XRCC1: variants seen among roughly 807,000 people sequenced by gnomAD.
XRCC1 encodes the protein DNA repair protein XRCC1.
XRCC1 carries 52 observed loss-of-function variants against 83.3 expected under a neutral mutation model. The observed-to-expected ratio is 0.62, with a 90% CI of 0.50 to 0.79. XRCC1 has a LOEUF of 0.79. Among genes scored for constraint, XRCC1 ranks in the 30% least tolerant of loss-of-function variants. XRCC1 has a pLI of 0.00. For synonymous variants in XRCC1, 281 were observed against 312.6 expected, an observed-to-expected ratio of 0.90 and a Z score of 1.07; for missense variants, 793 against 823.5, an observed-to-expected ratio of 0.96 and a Z score of 0.45.
At chr19:43,556,664 G>T (rs112399976) in intron 3 of XRCC1, among the ~76,000 whole-genome samples, 2 of 152,074 alleles carry the variant, frequency 1.3e-5, no homozygotes, top group Non-Finnish European at 2.9e-5. Flanking sequence ...TTTAAGCCAG[G>T]CATGGTGGCA....
At chr19:43,559,009 C>T (rs1443477736) in intron 3 of XRCC1, among the ~76,000 whole-genome samples, 1 of 151,886 alleles carries the variant, frequency 6.6e-6, no homozygotes, top group Non-Finnish European at 1.5e-5. Context: ...GGTATGGCGG[C>T]TCACACCTAT....
At chr19:43,558,682 T>G (rs992425981) in intron 3 of XRCC1, among the ~76,000 whole-genome samples, 4 of 151,476 alleles carry the variant, frequency 2.6e-5, no homozygotes, top group African/African-American at 9.7e-5. Flanking sequence ...ATAAATAATA[T>G]GGTTAAAAAA....
intron 3 of XRCC1, among the ~76,000 whole-genome samples, chr19:43,560,351 G>A (rs11668775): frequency 0.054 from 8,243 of 151,440 alleles, 308 homozygotes; most frequent in East Asian, 0.11. Context: ...AGCTGAGATC[G>A]CGCCAGTGCA....
intron 8 of XRCC1, 44 bp from the exon 9 acceptor site, chr19:43,552,319 C>G: frequency 7.2e-7 from 1 of 1,393,682 alleles, no homozygotes. Flanking sequence ...CACTGGGGGT[C>G]AACCCCCAGC....
At position 43,552,898 on chromosome 19, in the gene XRCC1, G is replaced by A. The variant is rs1972596049; in HGVS notation, c.722C>T (p.Ser241Phe). 1 of 1,613,022 alleles carries A rather than the reference G, an allele frequency of 6.2e-7. No homozygotes were observed. The highest frequency in any genetic ancestry group is 8.5e-7 in the Non-Finnish European group (1 of 1,179,678). The change falls in exon 8 of 17, where the codon TCT becomes TTT. Residue 241 changes from serine (S) to phenylalanine (F), a missense_variant. Ser to Phe is a radical substitution (Grantham distance 155, BLOSUM62 -2). Coordinates refer to ENST00000262887, the MANE Select transcript of XRCC1 (RefSeq NM_006297.3). ...ATCCAACTTCCTCTTCCCTTTGGGA[G>A]ACTCCTGGGGCTGAGGGGATGGGGA... is the stretch of plus-strand genomic sequence containing the variant. Reference protein sequence around the residue: ...AIGSTSKPQESPKGKRKLDLN... With the variant: ...AIGSTSKPQEFPKGKRKLDLN...
Position 43,554,761 on chromosome 19 carries a change from C to T in XRCC1, c.299G>A (p.Arg100His), listed in dbSNP as rs572056306. 8.2e-5 allele frequency: 133 copies of T among 1,613,728 alleles called. 4 individuals carry two copies. In the South Asian group the frequency reaches 1.3e-3, roughly 16 times the overall value. The change falls in exon 4 of 17, where the codon CGC becomes CAC. Residue 100 changes from arginine (R) to histidine (H), a missense_variant. Physicochemically the swap from Arg to His is conservative, Grantham distance 29. Transcript: ENST00000262887. ...AACGCGGTTGGGGTTTGAGCCACTGCGGCTCTCGGAAGGGGACATGAAAGA... is the reference window on the plus strand; with the variant it reads ...AACGCGGTTGGGGTTTGAGCCACTGTGGCTCTCGGAAGGGGACATGAAAGA... The part of the protein sequence containing the change: ...TSSFMSPSES[R>H]SGSNPNRVRM...
intron 2 of XRCC1, among the ~76,000 whole-genome samples, chr19:43,563,307 T>C (rs1227386357): frequency 6.6e-6 from 1 of 152,130 alleles, no homozygotes; most frequent in African/African-American, 2.4e-5. Flanking sequence ...GCCAACATGG[T>C]GAAACCCTGT....
At chr19:43,564,467 T>C (rs1442860036) in intron 2 of XRCC1, among the ~76,000 whole-genome samples, 1 of 152,156 alleles carries the variant, frequency 6.6e-6, no homozygotes, top group East Asian at 1.9e-4. Context: ...GTTACTGTTG[T>C]ACAAATTAGC....
intron 2 of XRCC1, among the ~76,000 whole-genome samples, chr19:43,570,842 GC>G (rs1461993035): frequency 5.6e-5 from 3 of 53,868 alleles, no homozygotes; most frequent in African/African-American, 2.2e-4. Context: ...AGAAATGTCT[GC>G]CTTTATCAGT....
chr19:43,545,960 G>C lies in XRCC1; in HGVS notation c.1482-3C>G. 1.2e-6 allele frequency: 2 copies of C among 1,613,740 alleles called. No individual in the cohort carries two copies. Among genetic ancestry groups the C allele is most frequent in the Non-Finnish European group, 1.7e-6 (2 of 1,179,818 alleles). On this transcript the variant is annotated splice_polypyrimidine_tract_variant and splice_region_variant and intron_variant, in intron 13 of 16. Transcript: ENST00000262887. ...TGTGTTCCTTCTGCTCTGCCACCCT[G>C]GGGGTGCCAAGAGGAGTAGAGAGTG...
intron 14 of XRCC1, among the ~76,000 whole-genome samples, chr19:43,545,441 G>C (rs1025685475): frequency 3.3e-5 from 5 of 152,242 alleles, no homozygotes; most frequent in African/African-American, 1.2e-4. Flanking sequence ...ACAGAGAGCA[G>C]TGCCCCTGTC....
Position 43,546,625 on chromosome 19 carries a change from C to T in XRCC1, c.1396G>A (p.Glu466Lys), listed in dbSNP as rs1273342214. ...TGTACCCCCTCAATGTCTATATCTT[C>T]CTGGAGCACTGGTGAGGCTGCTTTG... ...ETKAASPVLQ[E>K]DIDIEGVQSE... is the part of the protein sequence containing the mutation. Residue 466 changes from glutamate to lysine, a missense_variant, in exon 12 of 17, where the codon GAA becomes AAA. By Grantham distance (56) the Glu-to-Lys change is moderately conservative (BLOSUM62 1). Coordinates refer to ENST00000262887, the MANE Select transcript of XRCC1 (RefSeq NM_006297.3). 1.2e-6 allele frequency: 2 copies of T among 1,611,678 alleles called. No homozygotes were observed. The highest frequency in any genetic ancestry group is 2.7e-5 in the African/African-American group (2 of 74,704).
At chr19:43,547,575 G>C (rs1972526085) in intron 10 of XRCC1, among the ~76,000 whole-genome samples, 1 of 149,630 alleles carries the variant, frequency 6.7e-6, no homozygotes, top group Non-Finnish European at 1.5e-5. Context: ...CCACCTCCCA[G>C]GGTTCGAGCG....
intron 2 of XRCC1, among the ~76,000 whole-genome samples, chr19:43,568,184 T>C (rs1282318100): frequency 2.6e-5 from 4 of 151,288 alleles, no homozygotes; most frequent in East Asian, 2.0e-4. Flanking sequence ...TGAAATGCAA[T>C]TGTATGCATC....
chr19:43,561,481 A>C (rs748311005), intron 2 of XRCC1, among the ~76,000 whole-genome samples: 32 of 152,206 alleles, frequency 2.1e-4, no homozygotes, highest in Non-Finnish European at 4.3e-4. Context: ...TTTGAATCCC[A>C]GCTGTGCTGC....
chr19:43,552,913 G>A lies in XRCC1; in HGVS notation c.712-5C>T. On this transcript the variant is annotated splice_region_variant and splice_polypyrimidine_tract_variant and intron_variant, in intron 7 of 16. Transcript: ENST00000262887. ...CCCTTTGGGAGACTCCTGGGGCTGA[G>A]GGGATGGGGATGGATTGAGGCCTCC... The A allele has an allele frequency of 6.2e-7, 1 of 1,612,774 alleles. No homozygotes were observed. Among genetic ancestry groups the A allele is most frequent in the Non-Finnish European group, 8.5e-7 (1 of 1,179,468 alleles).
At chr19:43,574,880 A>C (rs1303840447) in intron 2 of XRCC1, 30 bp downstream of exon 2, 1 of 1,577,408 alleles carries the variant, frequency 6.3e-7, no homozygotes, top group Non-Finnish European at 8.7e-7. Flanking sequence ...CCAGACTCCT[A>C]GTGAGGAGGA....
intron 3 of XRCC1, among the ~76,000 whole-genome samples, chr19:43,558,483 T>C (rs1972661929): frequency 6.6e-6 from 1 of 151,160 alleles, no homozygotes; most frequent in African/African-American, 2.4e-5. Flanking sequence ...AAAAAATATT[T>C]AAAAATTAGC....
At position 43,543,311 on chromosome 19, in the gene XRCC1, T is replaced by A; in HGVS notation, c.*81A>T. On this transcript the variant is annotated 3_prime_UTR_variant, in exon 17 of 17. Coordinates refer to ENST00000262887, the MANE Select transcript of XRCC1 (RefSeq NM_006297.3). ...CTTAGAGTTTTGGGAGACTCTTGGA[T>A]GAGAACCAACTCATCTTTATTAAAT... 1 of 1,382,622 alleles carries A rather than the reference T, an allele frequency of 7.2e-7. No individual in the cohort carries two copies. The highest frequency in any genetic ancestry group is 1.0e-6 in the Non-Finnish European group (1 of 997,636). 85.6% of individuals were successfully genotyped at this position (1,382,622 alleles called of 1,614,324 possible). A position where few individuals can be genotyped will look rare whatever the true frequency, so the allele number is the denominator to read the frequency against.
Sources: allele counts gnomAD v4.1 joint callset (sites outside exome capture counted in the v4.1 genomes callset), GRCh38; gene constraint gnomAD v4.1.1; transcripts MANE v1.5; gene names NCBI Gene and HGNC (gene_info 2026-07-23, HGNC 2026-07-21).